Variants in AVEN observed in about 807,000 individuals in gnomAD.
AVEN encodes apoptosis and caspase activation inhibitor, also known as cell death regulator Aven.
A neutral mutation model predicts 38.1 loss-of-function variants in AVEN; 41 were observed. The observed-to-expected ratio is 1.08, with a 90% CI of 0.84 to 1.40. The LOEUF (loss-of-function observed/expected upper bound fraction) is 1.40. AVEN is among the 40% of genes most tolerant of loss of function. AVEN has a pLI of 0.00. For missense variants in AVEN, 605 were observed against 438.8 expected, an observed-to-expected ratio of 1.38 and a Z score of -3.38; for synonymous variants, 206 against 171.8, an observed-to-expected ratio of 1.20 and a Z score of -1.56.
At chr15:33,980,392 T>A (rs1423583277) in intron 2 of AVEN, among the ~76,000 whole-genome samples, 2 of 152,246 alleles carry the variant, frequency 1.3e-5, no homozygotes. Flanking sequence ...ACCTTACCTG[T>A]TGCATTACTT....
Position 33,895,344 on chromosome 15 carries a change from G to C in AVEN, c.446-19349C>G, listed in dbSNP as rs369461527. On this transcript the variant is annotated intron_variant, in intron 2 of 5. Coordinates refer to ENST00000306730, the MANE Select transcript of AVEN (RefSeq NM_020371.3). ...CTATATTTCTTTTTTTTTTTTTTAA[G>C]AGACAGGGCCCCACTCTATTACCCA... 2.7e-3 allele frequency among the ~76,000 whole-genome samples: 391 copies of C among 143,050 alleles called. 2 individuals carry two copies. Among genetic ancestry groups the C allele is most frequent in the South Asian group, 0.016 (73 of 4,474 alleles). The allele number at this position is 143,050 out of a possible 152,430, so 93.8% of individuals were successfully genotyped here. A position where few individuals can be genotyped will look rare whatever the true frequency, so the allele number is the denominator to read the frequency against.
intron 2 of AVEN, among the ~76,000 whole-genome samples, chr15:33,899,459 C>CTTTTTT (rs1567403765): frequency 1.2e-5 from 1 of 83,258 alleles, no homozygotes; most frequent in African/African-American, 4.0e-5. Context: ...TCAGGGAAAA[C>CTTTTTT]CTTTTTTTTT....
chr15:34,040,717 A>G (rs949857364), upstream of AVEN, among the ~76,000 whole-genome samples: 1 of 151,922 alleles, frequency 6.6e-6, no homozygotes, highest in Admixed American at 6.6e-5. Flanking sequence ...TGCCTGAGAC[A>G]TGAGTTCAAG....
intron 2 of AVEN, among the ~76,000 whole-genome samples, chr15:33,977,213 C>G (rs1285262992): frequency 6.6e-6 from 1 of 152,072 alleles, no homozygotes; most frequent in Non-Finnish European, 1.5e-5. Context: ...ACACAAAAAG[C>G]TGGAGTTCTT....
intron 2 of AVEN, among the ~76,000 whole-genome samples, chr15:33,912,222 G>A (rs1235062690): frequency 1.3e-5 from 2 of 152,106 alleles, no homozygotes; most frequent in South Asian, 2.1e-4. Flanking sequence ...AAGAACAAAC[G>A]TATGTTCTTT....
At chr15:33,852,378 A>G in the AVEN span, 1 of 152,184 alleles carries the variant, frequency 6.6e-6, no homozygotes, top group African/African-American at 2.4e-5. Flanking sequence ...GAGCTGGTAC[A>G]AGCTACAGAG....
intron 3 of AVEN, among the ~76,000 whole-genome samples, chr15:33,871,435 G>A: frequency 6.6e-6 from 1 of 152,110 alleles, no homozygotes; most frequent in East Asian, 1.9e-4. Context: ...GGGTATGGTG[G>A]CTGATGCCTG....
At chr15:34,049,441 G>A (rs1899848369) in intron 5 of AVEN, among the ~76,000 whole-genome samples, 1 of 152,102 alleles carries the variant, frequency 6.6e-6, no homozygotes, top group Non-Finnish European at 1.5e-5. Context: ...TAGACCAGTG[G>A]AAAAAAGAAT....
downstream of AVEN, among the ~76,000 whole-genome samples, chr15:33,854,179 G>C (rs1370281630): frequency 7.7e-6 from 1 of 130,692 alleles, no homozygotes; most frequent in Non-Finnish European, 1.6e-5. Context: ...CTGGGTGATA[G>C]AGTGAGACTC....
rs555200254 is a variant in AVEN, at chr15:33,961,681, C to T, written c.445+41351G>A. On this transcript the variant is annotated intron_variant, in intron 2 of 5. Coordinates refer to ENST00000306730, the MANE Select transcript of AVEN (RefSeq NM_020371.3). ...ACAAAAAATTAGCCGGGCGTGGTGG[C>T]GGGCACCTGTAGTCCCAGCTACTCG... Among the ~76,000 whole-genome samples the T allele has an allele frequency of 1.6e-3, 237 of 151,334 alleles. 1 individual carries two copies. The highest frequency in any genetic ancestry group is 0.01 in the South Asian group (49 of 4,774).
upstream of AVEN, among the ~76,000 whole-genome samples, chr15:34,044,154 T>C (rs919134897): frequency 5.3e-5 from 8 of 152,106 alleles, no homozygotes; most frequent in African/African-American, 4.8e-5. Context: ...ATCATTTCTC[T>C]ACTCCTTTTT....
chr15:33,859,462 C>T (rs1172110739), intron 11 of AVEN: 37 of 1,165,394 alleles, frequency 3.2e-5, no homozygotes, highest in Non-Finnish European at 4.4e-5. Context: ...AAGAGTTCCC[C>T]TCTCGTGGCT....
chr15:33,923,100 C>A (rs1893463512), intron 2 of AVEN, among the ~76,000 whole-genome samples: 2 of 151,332 alleles, frequency 1.3e-5, no homozygotes, highest in Admixed American at 1.3e-4. Flanking sequence ...AAAGTTTTCA[C>A]AAGATTAAGG....
At chr15:33,857,125 C>A (rs559111363), downstream of AVEN, among the ~76,000 whole-genome samples, 2 of 152,224 alleles carry the variant, frequency 1.3e-5, no homozygotes, top group East Asian at 3.9e-4. Context: ...AATCTAATGC[C>A]CTATACATTA....
At chr15:33,861,123 A>C (rs1374798672) in intron 11 of AVEN, 2 of 1,597,854 alleles carry the variant, frequency 1.3e-6, no homozygotes, top group East Asian at 4.5e-5. Flanking sequence ...CTTTGACACA[A>C]CCCCTCATGG....
intron 2 of AVEN, among the ~76,000 whole-genome samples, chr15:33,910,213 T>C (rs888556396): frequency 1.3e-5 from 2 of 151,798 alleles, no homozygotes; most frequent in Admixed American, 6.6e-5. Flanking sequence ...CTGTAAGACA[T>C]ATATTCCTTT....
At chr15:33,868,836 C>T (rs929712786) in intron 4 of AVEN, among the ~76,000 whole-genome samples, 7 of 152,060 alleles carry the variant, frequency 4.6e-5, no homozygotes, top group Admixed American at 2.0e-4. Context: ...AGTCTTTATC[C>T]GGATGCTCAT....
chr15:33,920,416 C>T (rs565533677), intron 2 of AVEN, among the ~76,000 whole-genome samples: 2 of 152,192 alleles, frequency 1.3e-5, no homozygotes, highest in African/African-American at 2.4e-5. Flanking sequence ...TTCATATACA[C>T]GGAATCATAC....
intron 2 of AVEN, among the ~76,000 whole-genome samples, chr15:33,905,076 G>A (rs896747141): frequency 6.1e-5 from 9 of 146,596 alleles, no homozygotes; most frequent in African/African-American, 1.8e-4. Context: ...GTTGCAGTGA[G>A]CTGAGATTGC....
Sources: allele counts gnomAD v4.1 joint callset (sites outside exome capture counted in the v4.1 genomes callset), GRCh38; gene constraint gnomAD v4.1.1; transcripts MANE v1.5; gene names NCBI Gene and HGNC (gene_info 2026-07-23, HGNC 2026-07-21).